TAFA1: variants seen among roughly 807,000 people sequenced by gnomAD.
TAFA1 encodes chemokine-like protein TAFA-1.
In TAFA1, 4 loss-of-function variants were observed where a neutral mutation model predicts 18.5. That is an observed-to-expected ratio of 0.22 (90% confidence interval 0.11 to 0.49). The LOEUF (loss-of-function observed/expected upper bound fraction) is 0.49. Among genes scored for constraint, TAFA1 ranks in the 20% least tolerant of loss-of-function variants. TAFA1 has a pLI of 0.98. For synonymous variants in TAFA1, 56 were observed against 55.2 expected (o/e 1.01, Z -0.06); for missense variants, 147 against 169.0 (o/e 0.87, Z 0.72).
intron 2 of TAFA1, among the ~76,000 whole-genome samples, chr3:68,385,435 C>T (rs905172379): frequency 2.0e-5 from 3 of 152,054 alleles, no homozygotes; most frequent in African/African-American, 7.2e-5. Flanking sequence ...AACCTGAAGA[C>T]CTAGATTTGA....
At chr3:68,255,315 T>C (rs2067276648) in intron 2 of TAFA1, among the ~76,000 whole-genome samples, 1 of 152,182 alleles carries the variant, frequency 6.6e-6, no homozygotes, top group Admixed American at 6.5e-5. Context: ...GTAAATCTTA[T>C]TTGTGTTCAA....
intron 2 of TAFA1, among the ~76,000 whole-genome samples, chr3:68,015,846 G>A (rs1704559561): frequency 6.6e-6 from 1 of 152,128 alleles, no homozygotes; most frequent in African/African-American, 2.4e-5. Context: ...TAAAACAACT[G>A]AGTTATCATT....
At chr3:68,101,169 A>G (rs993536663) in intron 2 of TAFA1, among the ~76,000 whole-genome samples, 1 of 152,052 alleles carries the variant, frequency 6.6e-6, no homozygotes, top group African/African-American at 2.4e-5. Context: ...CCCACCCTCC[A>G]TCCTCTGATA....
At chr3:68,149,107 A>T (rs532218110) in intron 2 of TAFA1, among the ~76,000 whole-genome samples, 2 of 152,172 alleles carry the variant, frequency 1.3e-5, no homozygotes, top group Non-Finnish European at 2.9e-5. Flanking sequence ...CCTCCTGATG[A>T]CCATATGTAG....
At chr3:68,386,904 G>T (rs1275774325) in intron 2 of TAFA1, among the ~76,000 whole-genome samples, 1 of 152,086 alleles carries the variant, frequency 6.6e-6, no homozygotes, top group Non-Finnish European at 1.5e-5. Context: ...AGATCAATTT[G>T]CAAGACTCTT....
intron 2 of TAFA1, among the ~76,000 whole-genome samples, chr3:68,232,093 A>T (rs1037783293): frequency 6.6e-6 from 1 of 152,164 alleles, no homozygotes. Context: ...TCTTCTAGAT[A>T]CTTGAAAATA....
rs903631910 is a variant in TAFA1 at position 68,260,628 on chromosome 3, C to T, written c.119-156652C>T. Among the ~76,000 whole-genome samples the T allele has an allele frequency of 3.3e-5, 5 of 152,062 alleles. No individual in the cohort carries two copies. In the South Asian group the frequency reaches 6.2e-4, roughly 19 times the overall value. On this transcript the variant is annotated intron_variant, in intron 2 of 4. Transcript: ENST00000478136. The stretch of plus-strand genomic sequence containing the variant: ...AGAAATAATGCCGCATATCTACAAC[C>T]ATCTGATCTTTGACAAACCTGACAA...
At chr3:68,298,735 T>A (rs1404672584) in intron 2 of TAFA1, among the ~76,000 whole-genome samples, 1 of 152,180 alleles carries the variant, frequency 6.6e-6, no homozygotes, top group Non-Finnish European at 1.5e-5. Flanking sequence ...TTGAAGAAGA[T>A]CCCTTGCTTC....
At chr3:68,266,185 A>C (rs181094865) in intron 2 of TAFA1, among the ~76,000 whole-genome samples, 1 of 152,266 alleles carries the variant, frequency 6.6e-6, no homozygotes, top group Non-Finnish European at 1.5e-5. Flanking sequence ...CATCTTTCTC[A>C]TGTAGCGCGC....
At chr3:68,207,187 A>G (rs1307468765) in intron 2 of TAFA1, among the ~76,000 whole-genome samples, 5 of 151,888 alleles carry the variant, frequency 3.3e-5, no homozygotes, top group South Asian at 4.1e-4. Flanking sequence ...ACTGCTTTCT[A>G]TTGACTAATA....
chr3:68,092,827 A>T (rs2065044832), intron 2 of TAFA1, among the ~76,000 whole-genome samples: 1 of 152,176 alleles, frequency 6.6e-6, no homozygotes, highest in Non-Finnish European at 1.5e-5. Flanking sequence ...AAGGCAGGAT[A>T]AATCATAATG....
At chr3:68,322,830 C>A (rs561236396) in intron 2 of TAFA1, among the ~76,000 whole-genome samples, 1 of 152,232 alleles carries the variant, frequency 6.6e-6, no homozygotes, top group Admixed American at 6.5e-5. Context: ...GTAATCCCAG[C>A]TACTCAGGAG....
intron 3 of TAFA1, among the ~76,000 whole-genome samples, chr3:68,514,179 G>C (rs1448178297): frequency 6.6e-6 from 1 of 152,108 alleles, no homozygotes; most frequent in Admixed American, 6.6e-5. Flanking sequence ...TGGAGGTTAG[G>C]AATTCAATGT....
At chr3:68,276,347 C>T (rs1241180908) in intron 2 of TAFA1, among the ~76,000 whole-genome samples, 1 of 152,166 alleles carries the variant, frequency 6.6e-6, no homozygotes, top group Non-Finnish European at 1.5e-5. Context: ...TTAGTCGCTA[C>T]TCAATAGTTA....
intron 2 of TAFA1, among the ~76,000 whole-genome samples, chr3:68,144,435 T>A (rs2065711851): frequency 2.0e-5 from 3 of 152,198 alleles, no homozygotes; most frequent in Admixed American, 6.5e-5. Flanking sequence ...ATCTCAGGAC[T>A]TCTGTGCTTT....
At chr3:68,055,617 A>G (rs2064526551) in intron 2 of TAFA1, among the ~76,000 whole-genome samples, 1 of 152,036 alleles carries the variant, frequency 6.6e-6, no homozygotes. Context: ...GCTGCCTCCT[A>G]GGTGAAGCTT....
At chr3:68,438,781 C>T (rs1447580055) in intron 3 of TAFA1, among the ~76,000 whole-genome samples, 1 of 152,164 alleles carries the variant, frequency 6.6e-6, no homozygotes, top group Non-Finnish European at 1.5e-5. Context: ...ATTAGCACCA[C>T]TTTGGTGACA....
chr3:68,427,210 G>A (rs1010420700), intron 3 of TAFA1, among the ~76,000 whole-genome samples: 6 of 151,830 alleles, frequency 4.0e-5, no homozygotes, highest in African/African-American at 1.4e-4. Flanking sequence ...AGAGAGCTCA[G>A]GTGTTTTCAA....
chr3:68,084,809 A>C (rs2064951074), intron 2 of TAFA1, among the ~76,000 whole-genome samples: 1 of 152,050 alleles, frequency 6.6e-6, no homozygotes, highest in East Asian at 1.9e-4. Flanking sequence ...AAAAAAAAAA[A>C]AAACCAAAAA....
Sources: allele counts gnomAD v4.1 joint callset (sites outside exome capture counted in the v4.1 genomes callset), GRCh38; gene constraint gnomAD v4.1.1; transcripts MANE v1.5; gene names NCBI Gene and HGNC (gene_info 2026-07-23, HGNC 2026-07-21).